SLC39A10: variants seen among roughly 807,000 people sequenced by gnomAD.
SLC39A10 encodes zinc transporter ZIP10.
Under a neutral mutation model 65.1 loss-of-function variants are expected in SLC39A10, and 13 were observed. That is an observed-to-expected ratio of 0.20 (90% confidence interval 0.13 to 0.32). The LOEUF (loss-of-function observed/expected upper bound fraction) is 0.32. SLC39A10 is among the 10% of genes least tolerant of loss of function. SLC39A10 has a pLI of 1.00. For synonymous variants in SLC39A10, 321 were observed against 342.2 expected, an observed-to-expected ratio of 0.94 and a Z score of 0.68; for missense variants, 831 against 1,018.4, an observed-to-expected ratio of 0.82 and a Z score of 2.50.
chr2:195,625,558 T>C (rs1445195300), intron 2 of SLC39A10, among the ~76,000 whole-genome samples: 3 of 152,106 alleles, frequency 2.0e-5, no homozygotes, highest in Non-Finnish European at 2.9e-5. Context: ...ATTACAGGCC[T>C]GAGCCACTGC....
intron 2 of SLC39A10, among the ~76,000 whole-genome samples, chr2:195,635,543 C>T (rs1361128598): frequency 1.9e-4 from 29 of 152,196 alleles, no homozygotes; most frequent in Admixed American, 1.9e-3. Flanking sequence ...GTGGCACATA[C>T]TAGAAGCCGT....
chr2:195,660,250 A>G (rs1269816822), intron 1 of SLC39A10, among the ~76,000 whole-genome samples: 2 of 152,252 alleles, frequency 1.3e-5, no homozygotes, highest in Non-Finnish European at 2.9e-5. Context: ...GTTTAGTATC[A>G]GAAGGACATT....
intron 6 of SLC39A10, among the ~76,000 whole-genome samples, chr2:195,716,213 G>T (rs1259825653): frequency 6.6e-6 from 1 of 152,100 alleles, no homozygotes; most frequent in East Asian, 1.9e-4. Flanking sequence ...TTCTCAGTAG[G>T]CTGCTGCAAT....
intron 5 of SLC39A10, among the ~76,000 whole-genome samples, chr2:195,709,435 T>G (rs1691528764): frequency 6.6e-6 from 1 of 152,200 alleles, no homozygotes; most frequent in South Asian, 2.1e-4. Flanking sequence ...TTTTGCCATG[T>G]TGGCCAGGGT....
chr2:195,715,931 A>G (rs1691791635), intron 6 of SLC39A10, among the ~76,000 whole-genome samples: 1 of 152,250 alleles, frequency 6.6e-6, no homozygotes, highest in Admixed American at 6.5e-5. Flanking sequence ...ACTAGTAAAT[A>G]GGACTGAGAA....
chr2:195,657,582 C>G (rs1051548882), intron 1 of SLC39A10: 65 of 982,536 alleles, frequency 6.6e-5, no homozygotes, highest in Middle Eastern at 1.0e-3. Context: ...CGTGCGGAGC[C>G]TCGCGCCCCC....
chr2:195,645,129 G>A (rs796343660), intron 2 of SLC39A10, among the ~76,000 whole-genome samples: 34 of 151,736 alleles, frequency 2.2e-4, no homozygotes, highest in African/African-American at 8.2e-4. Flanking sequence ...GGCTGGTCTC[G>A]AACTTCCGAC....
At chr2:195,725,873 T>C (rs1340890008) in intron 8 of SLC39A10, among the ~76,000 whole-genome samples, 1 of 152,210 alleles carries the variant, frequency 6.6e-6, no homozygotes, top group Non-Finnish European at 1.5e-5. Flanking sequence ...TACTGTGTGC[T>C]TCCATTTAGA....
intron 2 of SLC39A10, among the ~76,000 whole-genome samples, chr2:195,650,493 C>G (rs1378054196): frequency 6.6e-6 from 1 of 151,998 alleles, no homozygotes; most frequent in East Asian, 1.9e-4. Context: ...CAATCAGAGG[C>G]TTTAAGCTTC....
At chr2:195,657,762 C>T (rs1208265172) in intron 1 of SLC39A10, among the ~76,000 whole-genome samples, 1 of 152,096 alleles carries the variant, frequency 6.6e-6, no homozygotes, top group Non-Finnish European at 1.5e-5. Flanking sequence ...GGGGGCTTGG[C>T]GACCAGCGCC....
chr2:195,720,822 A>G (rs1248522985), intron 8 of SLC39A10, among the ~76,000 whole-genome samples: 1 of 152,130 alleles, frequency 6.6e-6, no homozygotes, highest in Non-Finnish European at 1.5e-5. Flanking sequence ...TAGTCTTTAT[A>G]TCTCTGGTTT....
chr2:195,647,916 T>C (rs770982910), intron 2 of SLC39A10, among the ~76,000 whole-genome samples: 1 of 152,226 alleles, frequency 6.6e-6, no homozygotes, highest in Non-Finnish European at 1.5e-5. Context: ...GACAGACTTA[T>C]AGAGGATGTA....
intron 1 of SLC39A10, among the ~76,000 whole-genome samples, chr2:195,676,335 G>A (rs933299567): frequency 2.0e-5 from 3 of 149,672 alleles, no homozygotes; most frequent in Non-Finnish European, 4.4e-5. Flanking sequence ...GATTATAGGC[G>A]CCTGCCACAG....
intron 2 of SLC39A10, among the ~76,000 whole-genome samples, chr2:195,626,829 A>G (rs1688483929): frequency 6.6e-6 from 1 of 152,172 alleles, no homozygotes. Flanking sequence ...AATTTCTCCA[A>G]AAGACATGAT....
chr2:195,626,390 GA>G (rs1276200741), intron 2 of SLC39A10, among the ~76,000 whole-genome samples: 1 of 152,102 alleles, frequency 6.6e-6, no homozygotes, highest in Non-Finnish European at 1.5e-5. Flanking sequence ...CAGATTGTCA[GA>G]CCCTGACAGC....
intron 1 of SLC39A10, among the ~76,000 whole-genome samples, chr2:195,660,670 G>T (rs1466473469): frequency 2.6e-5 from 4 of 152,166 alleles, no homozygotes; most frequent in Admixed American, 2.0e-4. Context: ...TTTCCAAATA[G>T]GGGTGAATTT....
chr2:195,631,496 G>T (rs1688585194), intron 2 of SLC39A10, among the ~76,000 whole-genome samples: 1 of 151,922 alleles, frequency 6.6e-6, no homozygotes, highest in African/African-American at 2.4e-5. Context: ...AATCCTTGCT[G>T]GGTCTTTAAA....
chr2:195,657,269 A>C lies in SLC39A10; in HGVS notation c.-24A>C. 1 of 428,120 alleles carries C rather than the reference A, an allele frequency of 2.3e-6. No homozygotes were observed. The highest frequency in any genetic ancestry group is 3.1e-6 in the Non-Finnish European group (1 of 320,484). 26.5% of individuals were successfully genotyped at this position (428,120 alleles called of 1,614,324 possible). A position where few individuals can be genotyped will look rare whatever the true frequency, so the allele number is the denominator to read the frequency against. ...CGAGCGGAGAGGAGATGCACACGGCACTCGAGTGTGAGGTAACTATAAAAC... is the reference window on the plus strand; with the variant it reads ...CGAGCGGAGAGGAGATGCACACGGCCCTCGAGTGTGAGGTAACTATAAAAC... On this transcript the variant is annotated 5_prime_UTR_variant, in exon 1 of 10. Transcript: ENST00000359634.
At chr2:195,631,913 G>C (rs865821650) in intron 2 of SLC39A10, among the ~76,000 whole-genome samples, 20 of 152,094 alleles carry the variant, frequency 1.3e-4, no homozygotes, top group African/African-American at 3.9e-4. Context: ...TATTGAGACA[G>C]GATCTTGCTC....
Sources: gnomAD v4.1 joint callset for allele counts (sites outside exome capture counted in the v4.1 genomes callset) on GRCh38, gnomAD v4.1.1 for gene constraint, MANE v1.5 for transcripts, NCBI Gene and HGNC (gene_info 2026-07-23, HGNC 2026-07-21) for gene names.